ARHGEF7: variants seen among roughly 807,000 people sequenced by gnomAD.
ARHGEF7 encodes the protein PAK-interacting exchange factor beta.
A neutral mutation model predicts 109.8 loss-of-function variants in ARHGEF7; 33 were observed. That is an observed-to-expected ratio of 0.30 (90% CI 0.23 to 0.40). The LOEUF (loss-of-function observed/expected upper bound fraction) is 0.40, where lower values mean the gene tolerates loss of function less well. ARHGEF7 is among the 10% of genes least tolerant of loss of function. The pLI, the probability that ARHGEF7 is intolerant of heterozygous loss-of-function variation, is 1.00. For missense variants in ARHGEF7, 938 were observed against 1,098.5 expected (o/e 0.85, Z 2.07); for synonymous variants, 458 against 424.6 (o/e 1.08, Z -0.97).
chr13:111,115,771 C>A, intron 1 of ARHGEF7, 80 bp downstream of exon 1: 2 of 872,986 alleles, frequency 2.3e-6, no homozygotes, highest in Non-Finnish European at 2.8e-6. Flanking sequence ...GCACCTGAGG[C>A]CGGCCGCGCT....
chr13:111,264,387 G>T (rs1464680682), intron 8 of ARHGEF7, among the ~76,000 whole-genome samples: 2 of 152,110 alleles, frequency 1.3e-5, no homozygotes, highest in African/African-American at 4.8e-5. Flanking sequence ...ATAGCTGCAG[G>T]TGGCTAGTGG....
At chr13:111,296,797 G>A (rs1184941629) in intron 19 of ARHGEF7, among the ~76,000 whole-genome samples, 1 of 152,158 alleles carries the variant, frequency 6.6e-6, no homozygotes, top group African/African-American at 2.4e-5. Flanking sequence ...CTAAGGGTGC[G>A]CTGTGATTCT....
At chr13:111,166,710 A>G (rs2077159411) in intron 2 of ARHGEF7, among the ~76,000 whole-genome samples, 1 of 152,252 alleles carries the variant, frequency 6.6e-6, no homozygotes, top group Non-Finnish European at 1.5e-5. Context: ...GAAGTCTGGC[A>G]GGGCCAGATG....
chr13:111,302,029 A>T (rs1489056160), intron 21 of ARHGEF7, among the ~76,000 whole-genome samples: 1 of 152,140 alleles, frequency 6.6e-6, no homozygotes, highest in Non-Finnish European at 1.5e-5. Flanking sequence ...AACAATACTG[A>T]TTTTGATGTC....
At chr13:111,278,681 T>G (rs2092623570) in intron 13 of ARHGEF7, among the ~76,000 whole-genome samples, 1 of 152,204 alleles carries the variant, frequency 6.6e-6, no homozygotes, top group Non-Finnish European at 1.5e-5. Flanking sequence ...CCCACTACAG[T>G]TTCCCCCAAA....
At chr13:111,219,404 G>T (rs565812384) in intron 5 of ARHGEF7, among the ~76,000 whole-genome samples, 7 of 152,340 alleles carry the variant, frequency 4.6e-5, no homozygotes, top group Admixed American at 2.0e-4. Flanking sequence ...ATGGGAACTT[G>T]GGTTACTTTC....
chr13:111,201,938 A>T (rs1040916901), intron 2 of ARHGEF7, among the ~76,000 whole-genome samples: 1 of 152,198 alleles, frequency 6.6e-6, no homozygotes, highest in African/African-American at 2.4e-5. Flanking sequence ...TTTATCCCTG[A>T]TTTGGTATTG....
chr13:111,299,228 C>T lies in ARHGEF7; in HGVS notation c.2312-1520C>T, dbSNP rs552331744. ...CTGCTGTGGAAATAACAGTGGTGCC[C>T]TCGCGTGTCAGGAACGTCTTATGAG... On this transcript the variant is annotated intron_variant, in intron 19 of 21. Transcript: ENST00000646102. 1.1e-4 allele frequency among the ~76,000 whole-genome samples: 16 copies of T among 152,248 alleles called. 1 individual carries two copies. In the South Asian group the frequency reaches 3.1e-3, roughly 30 times the overall value.
chr13:111,135,248 T>C (rs1325992783), intron 1 of ARHGEF7, among the ~76,000 whole-genome samples: 3 of 152,168 alleles, frequency 2.0e-5, no homozygotes, highest in Non-Finnish European at 4.4e-5. Context: ...CCTCCAGCTT[T>C]GTTCTTTTGG....
intron 1 of ARHGEF7, among the ~76,000 whole-genome samples, chr13:111,127,484 C>G (rs9522136): frequency 0.35 from 52,740 of 151,130 alleles, 9,679 homozygotes; most frequent in Middle Eastern, 0.55. Flanking sequence ...ACCCTCCCCC[C>G]ATCACTACAA....
intron 2 of ARHGEF7, among the ~76,000 whole-genome samples, chr13:111,177,050 C>G (rs2078238464): frequency 6.6e-6 from 1 of 152,250 alleles, no homozygotes; most frequent in East Asian, 1.9e-4. Context: ...AGCCACCGCG[C>G]CCGGCTGACT....
At chr13:111,275,328 G>A (rs2092414640) in intron 11 of ARHGEF7, among the ~76,000 whole-genome samples, 1 of 152,190 alleles carries the variant, frequency 6.6e-6, no homozygotes, top group Non-Finnish European at 1.5e-5. Context: ...GCAGTTGTGT[G>A]TGTTGCTTCT....
Position 111,286,258 on chromosome 13 carries a change from G to T in ARHGEF7, c.2044+18G>T, listed in dbSNP as rs751121022. 2.5e-6 allele frequency: 4 copies of T among 1,598,806 alleles called. No individual in the cohort carries two copies. The highest frequency in any genetic ancestry group is 1.7e-5 in the Admixed American group (1 of 59,938). On this transcript the variant is annotated intron_variant, in intron 17 of 21. Transcript: ENST00000646102. ...CCGGAAAAGTGAGTACCTGCGGTCC[G>T]TGTGGTGGAGGACGTGGCCTCCTGG...
rs376276312 is a variant in ARHGEF7 at position 111,115,521 on chromosome 13, G to T, written c.-6G>T. On this transcript the variant is annotated 5_prime_UTR_variant, in exon 1 of 22. Coordinates refer to ENST00000646102, the MANE Select transcript of ARHGEF7 (RefSeq NM_001354046.2). ...CCCCTCCCCGCCTGCCTCCCGGGCC[G>T]CAGCGATGAATTCCGCCGAGCAAAC... 213 of 1,320,164 alleles carry T rather than the reference G, an allele frequency of 1.6e-4. 1 individual carries two copies. The highest frequency in any genetic ancestry group is 2.0e-4 in the Non-Finnish European group (199 of 1,012,142). The allele number at this position is 1,320,164 out of a possible 1,614,324, so 81.8% of individuals were successfully genotyped here.
intron 5 of ARHGEF7, among the ~76,000 whole-genome samples, chr13:111,226,048 C>T (rs1018498836): frequency 6.6e-5 from 10 of 152,264 alleles, no homozygotes; most frequent in Non-Finnish European, 1.3e-4. Flanking sequence ...ATTATAAGTG[C>T]TACTCCAGTG....
At chr13:111,216,218 A>C (rs924410889) in intron 4 of ARHGEF7, among the ~76,000 whole-genome samples, 2 of 152,152 alleles carry the variant, frequency 1.3e-5, no homozygotes, top group Non-Finnish European at 2.9e-5. Context: ...TCTGAGACTG[A>C]TACCAGTGTT....
intron 2 of ARHGEF7, among the ~76,000 whole-genome samples, chr13:111,200,978 C>T (rs1053274867): frequency 6.6e-5 from 10 of 151,938 alleles, no homozygotes; most frequent in South Asian, 2.1e-4. Flanking sequence ...TTCTTTGGCT[C>T]GGGGGGGATT....
intron 9 of ARHGEF7, among the ~76,000 whole-genome samples, chr13:111,270,918 G>T (rs2092088278): frequency 6.6e-6 from 1 of 152,192 alleles, no homozygotes. Context: ...GTAATGGGAA[G>T]AGGAGCACTT....
intron 1 of ARHGEF7, among the ~76,000 whole-genome samples, chr13:111,130,889 C>T (rs1438870284): frequency 3.9e-5 from 6 of 152,158 alleles, no homozygotes; most frequent in Non-Finnish European, 7.3e-5. Context: ...CACAGAGGGG[C>T]CCTTCAAGGC....
Sources: gnomAD v4.1 joint callset for allele counts (sites outside exome capture counted in the v4.1 genomes callset) on GRCh38, gnomAD v4.1.1 for gene constraint, MANE v1.5 for transcripts, NCBI Gene and HGNC (gene_info 2026-07-23, HGNC 2026-07-21) for gene names.